JAZF1: variants seen among roughly 807,000 people sequenced by gnomAD.
The protein encoded by JAZF1 is juxtaposed with another zinc finger protein 1.
A neutral mutation model predicts 26.4 loss-of-function variants in JAZF1; 8 were observed. The observed-to-expected ratio is 0.30, with a 90% CI of 0.18 to 0.55. The LOEUF (loss-of-function observed/expected upper bound fraction) is 0.55, where lower values mean the gene tolerates loss of function less well. Ranked by LOEUF, JAZF1 falls within the 20% of genes least tolerant of loss-of-function variation. The probability of loss-of-function intolerance (pLI) is 0.94; values close to 1 mark genes in which losing one functional copy is unlikely to be tolerated. For synonymous variants in JAZF1, 126 were observed against 122.3 expected, an observed-to-expected ratio of 1.03 and a Z score of -0.20; for missense variants, 199 against 322.0, an observed-to-expected ratio of 0.62 and a Z score of 2.92.
intron 4 of JAZF1, among the ~76,000 whole-genome samples, chr7:27,836,891 A>G (rs1782823204): frequency 6.6e-6 from 1 of 152,220 alleles, no homozygotes; most frequent in African/African-American, 2.4e-5. Flanking sequence ...GAAGAGGATA[A>G]AAAAGAACAG....
In JAZF1 at chr7:27,832,393, G is replaced by A; in HGVS notation, c.*407C>T. 4.4e-6 allele frequency: 1 copy of A among 226,312 alleles called. No homozygotes were observed. The allele number at this position is 226,312 out of a possible 1,614,324, so 14.0% of individuals were successfully genotyped here. ...TATTATTTTGGTTTTGAACATATGTGAGTTGATGTGTTGAAAACTTCAATC... is the reference window on the plus strand; with the variant it reads ...TATTATTTTGGTTTTGAACATATGTAAGTTGATGTGTTGAAAACTTCAATC... On this transcript the variant is annotated 3_prime_UTR_variant, in exon 5 of 5. Transcript: ENST00000283928.
intron 1 of JAZF1, among the ~76,000 whole-genome samples, chr7:28,084,732 C>T (rs908798733): frequency 6.6e-6 from 1 of 152,196 alleles, no homozygotes; most frequent in Non-Finnish European, 1.5e-5. Flanking sequence ...TCTGGGCAGG[C>T]TCCCTCTCTC....
At chr7:27,954,268 A>C (rs1318220654) in intron 2 of JAZF1, among the ~76,000 whole-genome samples, 1 of 152,154 alleles carries the variant, frequency 6.6e-6, no homozygotes, top group Non-Finnish European at 1.5e-5. Context: ...TTTCCTGCTT[A>C]ACTACTCTGC....
Position 28,108,766 on chromosome 7 carries a change from G to A in JAZF1, c.115+71697C>T, listed in dbSNP as rs111570511. On this transcript the variant is annotated intron_variant, in intron 1 of 4. Coordinates refer to ENST00000283928, the MANE Select transcript of JAZF1 (RefSeq NM_175061.4). Reference sequence around the variant, plus strand: ...TACCTGCACTCCTGTGTTCACTGACGCATTATTCTCAATAGCTAAGCCATG... The same window carrying A: ...TACCTGCACTCCTGTGTTCACTGACACATTATTCTCAATAGCTAAGCCATG... Among the ~76,000 whole-genome samples, 44 of 152,270 alleles carry A rather than the reference G, an allele frequency of 2.9e-4. 1 individual carries two copies. The highest frequency in any genetic ancestry group is 9.6e-4 in the African/African-American group (40 of 41,560).
At chr7:27,962,068 A>C (rs966142754) in intron 2 of JAZF1, among the ~76,000 whole-genome samples, 1 of 152,216 alleles carries the variant, frequency 6.6e-6, no homozygotes, top group African/African-American at 2.4e-5. Context: ...TAGTGATCAT[A>C]AACACTCTTT....
chr7:27,936,836 T>A (rs1784769336), intron 2 of JAZF1, among the ~76,000 whole-genome samples: 1 of 152,204 alleles, frequency 6.6e-6, no homozygotes, highest in Non-Finnish European at 1.5e-5. Flanking sequence ...TATTATCCCC[T>A]CCAGAATGAG....
At chr7:27,838,886 T>C (rs1361293710) in intron 4 of JAZF1, among the ~76,000 whole-genome samples, 1 of 152,150 alleles carries the variant, frequency 6.6e-6, no homozygotes, top group African/African-American at 2.4e-5. Flanking sequence ...CCATGTCACC[T>C]GCCAGTTAAT....
intron 1 of JAZF1, among the ~76,000 whole-genome samples, chr7:28,026,747 T>G (rs1018354630): frequency 6.6e-6 from 1 of 152,138 alleles, no homozygotes; most frequent in Non-Finnish European, 1.5e-5. Flanking sequence ...TACTAAACGT[T>G]CTCTCAACTG....
intron 2 of JAZF1, among the ~76,000 whole-genome samples, chr7:27,928,916 T>A (rs537346394): frequency 6.6e-6 from 1 of 152,166 alleles, no homozygotes; most frequent in Non-Finnish European, 1.5e-5. Flanking sequence ...CAAATCTGCA[T>A]ATGTACATAT....
chr7:27,919,326 T>A (rs1784492451), intron 2 of JAZF1, among the ~76,000 whole-genome samples: 2 of 152,194 alleles, frequency 1.3e-5, no homozygotes, highest in South Asian at 4.1e-4. Context: ...ATTTTGAACC[T>A]GGCCCCCCAT....
At chr7:28,095,341 A>T (rs1418099907) in intron 1 of JAZF1, among the ~76,000 whole-genome samples, 1 of 152,150 alleles carries the variant, frequency 6.6e-6, no homozygotes, top group African/African-American at 2.4e-5. Context: ...AGGCCTCAGG[A>T]AACTTACGAT....
chr7:27,851,753 A>G (rs985719449), intron 3 of JAZF1, among the ~76,000 whole-genome samples: 1 of 152,328 alleles, frequency 6.6e-6, no homozygotes, highest in South Asian at 2.1e-4. Flanking sequence ...CCAAGCCTAA[A>G]TTTAGCCTAT....
intron 3 of JAZF1, among the ~76,000 whole-genome samples, chr7:27,871,390 GC>G (rs1050330018): frequency 6.6e-6 from 1 of 152,126 alleles, no homozygotes; most frequent in Non-Finnish European, 1.5e-5. Flanking sequence ...GCTTTGTTTT[GC>G]TCTATAAGGA....
chr7:28,099,463 T>C (rs1740207373), intron 1 of JAZF1, among the ~76,000 whole-genome samples: 1 of 151,884 alleles, frequency 6.6e-6, no homozygotes, highest in African/African-American at 2.4e-5. Flanking sequence ...GTATGCAAGA[T>C]GGAACAGCCT....
At chr7:28,176,647 T>C (rs1271210314) in intron 1 of JAZF1, among the ~76,000 whole-genome samples, 1 of 152,182 alleles carries the variant, frequency 6.6e-6, no homozygotes, top group Non-Finnish European at 1.5e-5. Context: ...TTCATTTTGT[T>C]AACCAAAAAA....
At chr7:27,970,620 G>A (rs1370054211) in intron 2 of JAZF1, among the ~76,000 whole-genome samples, 1 of 152,158 alleles carries the variant, frequency 6.6e-6, no homozygotes, top group Non-Finnish European at 1.5e-5. Flanking sequence ...ATCACAGTAC[G>A]ATTGTAGCAG....
At chr7:28,000,645 CA>C (rs111795340) in intron 1 of JAZF1, among the ~76,000 whole-genome samples, 7,505 of 123,852 alleles carry the variant, frequency 0.061, 667 homozygotes, top group East Asian at 0.41. Context: ...TTTTTTGAGA[CA>C]AGAGTCTCAC....
rs188764999 is a variant in JAZF1, at chr7:28,095,833, C to G, written c.115+84630G>C. 7.2e-5 allele frequency among the ~76,000 whole-genome samples: 11 copies of G among 152,358 alleles called. No individual in the cohort carries two copies. In the East Asian group the frequency reaches 2.1e-3, roughly 29 times the overall value. On this transcript the variant is annotated intron_variant, in intron 1 of 4. Transcript: ENST00000283928. Reference sequence around the variant, plus strand: ...AAGCAATTCTGGAGGGCAGAAGTCCCAGATCAAGGCACCATCAGGACTGTT... The same window carrying G: ...AAGCAATTCTGGAGGGCAGAAGTCCGAGATCAAGGCACCATCAGGACTGTT...
chr7:28,096,799 A>T (rs1413682211), intron 1 of JAZF1, among the ~76,000 whole-genome samples: 2 of 152,218 alleles, frequency 1.3e-5, no homozygotes, highest in African/African-American at 2.4e-5. Context: ...AGCTGACTGC[A>T]AATGAAACAC....
Sources: gnomAD v4.1 joint callset for allele counts (sites outside exome capture counted in the v4.1 genomes callset) on GRCh38, gnomAD v4.1.1 for gene constraint, MANE v1.5 for transcripts, NCBI Gene and HGNC (gene_info 2026-07-23, HGNC 2026-07-21) for gene names.